ITGAV: variants seen among roughly 807,000 people sequenced by gnomAD.
ITGAV encodes integrin subunit alpha V.
Under a neutral mutation model 143.8 loss-of-function variants are expected in ITGAV, and 76 were observed. The observed-to-expected ratio is 0.53, with a 90% confidence interval of 0.44 to 0.64. ITGAV has a LOEUF of 0.64. Ranked by LOEUF, ITGAV falls within the 30% of genes least tolerant of loss-of-function variation. The probability of loss-of-function intolerance (pLI) is 0.00; values close to 1 mark genes in which losing one functional copy is unlikely to be tolerated. For missense variants in ITGAV, 1,193 were observed against 1,274.7 expected, an observed-to-expected ratio of 0.94 and a Z score of 0.98; for synonymous variants, 453 against 446.7, an observed-to-expected ratio of 1.01 and a Z score of -0.18.
At chr2:186,613,123 T>G (rs1300700294) in intron 2 of ITGAV, among the ~76,000 whole-genome samples, 1 of 151,850 alleles carries the variant, frequency 6.6e-6, no homozygotes, top group Non-Finnish European at 1.5e-5. Flanking sequence ...CTCAACCCAT[T>G]CTTTAGGACT....
At chr2:186,604,541 G>A (rs1306969225) in intron 2 of ITGAV, among the ~76,000 whole-genome samples, 3 of 152,156 alleles carry the variant, frequency 2.0e-5, no homozygotes, top group Non-Finnish European at 4.4e-5. Flanking sequence ...CAAAATGTAT[G>A]TATATTTAAA....
Position 186,659,049 on chromosome 2 carries a change from AT to A in ITGAV, c.1734del (p.Phe578LeufsTer63), listed in dbSNP as rs1347549276. Reference sequence around the variant, plus strand: ...GTTTCCATTTCTAGGATGAATCTGAATTTAGAGACAAACTCACTCCAATTAC... The same window carrying A: ...GTTTCCATTTCTAGGATGAATCTGAATTAGAGACAAACTCACTCCAATTAC... ...LIAYLRDESE[F>X]RDKLTPITIF... On this transcript the variant is annotated frameshift_variant, in exon 18 of 30. Coordinates refer to ENST00000261023, the MANE Select transcript of ITGAV (RefSeq NM_002210.5). LOFTEE classifies it high-confidence loss of function. 1 of 1,608,602 alleles carries A rather than the reference AT, an allele frequency of 6.2e-7. No individual in the cohort carries two copies. Among genetic ancestry groups the A allele is most frequent in the Non-Finnish European group, 8.5e-7 (1 of 1,176,824 alleles).
rs1029119663 is a variant in ITGAV at position 186,600,697 on chromosome 2, G to A, written c.186-1324G>A. Among the ~76,000 whole-genome samples, 10 of 152,292 alleles carry A rather than the reference G, an allele frequency of 6.6e-5. No individual in the cohort carries two copies. In the East Asian group the frequency reaches 1.9e-3, roughly 29 times the overall value. ...GAATCAGCCAAGCACAGTGGCTCAC[G>A]CCTGTAATCCCAGCACTTTGGGAGG... On this transcript the variant is annotated intron_variant, in intron 1 of 29. Coordinates refer to ENST00000261023, the MANE Select transcript of ITGAV (RefSeq NM_002210.5).
chr2:186,651,958 A>G, intron 14 of ITGAV, 24 bp from the exon 15 acceptor site: 1 of 1,401,182 alleles, frequency 7.1e-7, no homozygotes, highest in South Asian at 1.2e-5. Flanking sequence ...TTTTTACTTC[A>G]TCTTCTTTTC....
At chr2:186,609,934 A>G (rs1687168766) in intron 2 of ITGAV, among the ~76,000 whole-genome samples, 1 of 152,138 alleles carries the variant, frequency 6.6e-6, no homozygotes, top group African/African-American at 2.4e-5. Context: ...CTAAAGGTCT[A>G]GCCAAATAAA....
intron 26 of ITGAV, chr2:186,670,054 A>G (rs1222858032): frequency 9.1e-6 from 4 of 437,880 alleles, no homozygotes; most frequent in African/African-American, 8.2e-5. Flanking sequence ...TGATTCTCCT[A>G]CTCTAGTTCT....
chr2:186,617,419 A>G (rs924766719), intron 2 of ITGAV, among the ~76,000 whole-genome samples: 3 of 152,242 alleles, frequency 2.0e-5, no homozygotes, highest in Non-Finnish European at 4.4e-5. Context: ...GTCGAAAGCT[A>G]CGACAATCCG....
chr2:186,616,332 G>A (rs1371619697), intron 2 of ITGAV, among the ~76,000 whole-genome samples: 1 of 135,896 alleles, frequency 7.4e-6, no homozygotes, highest in Non-Finnish European at 1.5e-5. Flanking sequence ...AGGCTGGAGT[G>A]CAGTGGCACG....
intron 2 of ITGAV, among the ~76,000 whole-genome samples, chr2:186,609,312 C>T (rs1259206571): frequency 1.3e-5 from 2 of 152,068 alleles, no homozygotes; most frequent in Admixed American, 1.3e-4. Flanking sequence ...TATTAAAAGG[C>T]CATGTAACTG....
At chr2:186,654,591 A>G (rs755251495) in intron 15 of ITGAV, 59 bp from the exon 16 acceptor site, 26 of 819,902 alleles carry the variant, frequency 3.2e-5, no homozygotes, top group Non-Finnish European at 4.4e-5. Flanking sequence ...TGTGGGTGAT[A>G]ATAAAAATAT....
intron 28 of ITGAV, 87 bp downstream of exon 28, chr2:186,676,014 C>T: frequency 1.4e-6 from 1 of 719,800 alleles, no homozygotes. Flanking sequence ...AGAACGACAG[C>T]TTAACTTTTT....
chr2:186,669,842 A>G (rs766302029), intron 26 of ITGAV, 28 bp downstream of exon 26: 2 of 1,418,424 alleles, frequency 1.4e-6, no homozygotes, highest in Non-Finnish European at 2.0e-6. Context: ...TATGTGCACC[A>G]TAGACATTTA....
At position 186,590,398 on chromosome 2, in the gene ITGAV, C is replaced by T. The variant is rs1686579448; in HGVS notation, c.60C>T (p.Leu20=). The T allele has an allele frequency of 6.2e-7, 1 of 1,608,034 alleles. No homozygotes were observed. ...GTCCCCGCGGCCTCCCGCTTCTTCT[C>T]TCGGGACTCCTGCTACCTCTGTGCC... ...RLGPRGLPLL[L]SGLLLPLCRA... Residue 20 remains leucine (L), a synonymous_variant, in exon 1 of 30, where the codon CTC becomes CTT. Transcript: ENST00000261023.
In ITGAV at chr2:186,622,380, T is replaced by G; in HGVS notation, c.358T>G (p.Ser120Ala). ...YAKDDPLEFK[S>A]HQWFGASVRS... is the part of the protein sequence containing the mutation. ...CAAGGATGATCCATTGGAATTTAAG[T>G]CCCATCAGTGGTTTGGAGCATCTGT... The change falls in exon 3 of 30, where the codon TCC becomes GCC. Residue 120 changes from serine to alanine, a missense_variant. Transcript: ENST00000261023. 1 of 1,613,850 alleles carries G rather than the reference T, an allele frequency of 6.2e-7. No homozygotes were observed. The highest frequency in any genetic ancestry group is 8.5e-7 in the Non-Finnish European group (1 of 1,179,800).
At position 186,665,164 on chromosome 2, in the gene ITGAV, C is replaced by T. The variant is rs763795518; in HGVS notation, c.2112C>T (p.Asn704=). ...ARLSCAFKTE[N]QTRQVVCDLG... Reference sequence around the variant, plus strand: ...TTTCCTGTGCATTTAAGACAGAAAACCAAACTCGCCAGGTGGTATGTGACC... The same window carrying T: ...TTTCCTGTGCATTTAAGACAGAAAATCAAACTCGCCAGGTGGTATGTGACC... Residue 704 remains asparagine, a synonymous_variant, in exon 21 of 30, where the codon AAC becomes AAT. Coordinates refer to ENST00000261023, the MANE Select transcript of ITGAV (RefSeq NM_002210.5). 7 of 1,609,352 alleles carry T rather than the reference C, an allele frequency of 4.3e-6. 1 individual carries two copies. In the South Asian group the frequency reaches 7.7e-5, roughly 18 times the overall value.
chr2:186,598,610 A>G (rs1412611673), intron 1 of ITGAV, among the ~76,000 whole-genome samples: 3 of 151,340 alleles, frequency 2.0e-5, no homozygotes, highest in Admixed American at 6.6e-5. Context: ...GCTAATTTTT[A>G]TATTTTTAGT....
At chr2:186,636,311 G>A in intron 7 of ITGAV, 104 bp downstream of exon 7, 1 of 915,784 alleles carries the variant, frequency 1.1e-6, no homozygotes, top group Non-Finnish European at 1.6e-6. Context: ...AAATAGATTA[G>A]GATTTTTTGA....
chr2:186,610,845 T>C (rs1027068221), intron 2 of ITGAV, among the ~76,000 whole-genome samples: 5 of 152,228 alleles, frequency 3.3e-5, no homozygotes, highest in African/African-American at 1.2e-4. Context: ...TAGATTGCGA[T>C]GCAAAACAAT....
chr2:186,619,551 C>T (rs780551109), intron 2 of ITGAV, among the ~76,000 whole-genome samples: 1 of 95,796 alleles, frequency 1.0e-5, no homozygotes, highest in Non-Finnish European at 2.2e-5. Flanking sequence ...AGGAAGGAAT[C>T]GAATGTTCCC....
Sources: gnomAD v4.1 joint callset for allele counts (sites outside exome capture counted in the v4.1 genomes callset) on GRCh38, gnomAD v4.1.1 for gene constraint, MANE v1.5 for transcripts, NCBI Gene and HGNC (gene_info 2026-07-23, HGNC 2026-07-21) for gene names.